FAM13A: variants seen among roughly 807,000 people sequenced by gnomAD.
The protein encoded by FAM13A is protein FAM13A.
FAM13A carries 76 observed loss-of-function variants against 129.6 expected under a neutral mutation model. That is an observed-to-expected ratio of 0.59 (90% CI 0.49 to 0.71). The LOEUF is 0.71. FAM13A is among the 30% of genes least tolerant of loss of function. FAM13A has a pLI of 0.00. For synonymous variants in FAM13A, 443 were observed against 449.9 expected, an observed-to-expected ratio of 0.98 and a Z score of 0.20; for missense variants, 1,108 against 1,249.3, an observed-to-expected ratio of 0.89 and a Z score of 1.70.
intron 23 of FAM13A, among the ~76,000 whole-genome samples, chr4:88,730,626 A>C (rs1228478537): frequency 1.3e-5 from 2 of 152,154 alleles, no homozygotes; most frequent in African/African-American, 4.8e-5. Flanking sequence ...TCCTTACCTC[A>C]TGTAATCCAC....
At chr4:88,892,879 G>T (rs1435254895) in intron 6 of FAM13A, among the ~76,000 whole-genome samples, 1 of 151,106 alleles carries the variant, frequency 6.6e-6, no homozygotes, top group African/African-American at 2.4e-5. Context: ...ATACAATATT[G>T]ATTTATTTGA....
At chr4:88,907,200 A>G (rs902528351) in intron 5 of FAM13A, among the ~76,000 whole-genome samples, 1 of 147,450 alleles carries the variant, frequency 6.8e-6, no homozygotes, top group Admixed American at 6.8e-5. Context: ...CTTTCCATAG[A>G]TGATTCCATC....
intron 6 of FAM13A, among the ~76,000 whole-genome samples, chr4:88,883,807 T>C (rs934666947): frequency 2.7e-5 from 4 of 147,388 alleles, no homozygotes; most frequent in Admixed American, 6.9e-5. Flanking sequence ...ATAAGTTCAA[T>C]TATAAATGAA....
chr4:88,996,766 C>A (rs772584023), intron 3 of FAM13A, among the ~76,000 whole-genome samples: 1 of 151,812 alleles, frequency 6.6e-6, no homozygotes, highest in African/African-American at 2.4e-5. Context: ...AAAAAAAAAT[C>A]TATAAACTGG....
intron 1 of FAM13A, among the ~76,000 whole-genome samples, chr4:89,039,304 T>C (rs1769800786): frequency 6.6e-6 from 1 of 152,336 alleles, no homozygotes; most frequent in South Asian, 2.1e-4. Flanking sequence ...ATGTAATATA[T>C]GAATCTTGAT....
intron 11 of FAM13A, among the ~76,000 whole-genome samples, chr4:88,780,771 C>T (rs2149612537): frequency 6.6e-6 from 1 of 151,984 alleles, no homozygotes; most frequent in South Asian, 2.1e-4. Context: ...TCCTCTTTCA[C>T]TGTGTATTTC....
At chr4:88,747,895 A>G in intron 17 of FAM13A, 44 bp from the exon 18 acceptor site, 1 of 1,377,696 alleles carries the variant, frequency 7.3e-7, no homozygotes, top group Non-Finnish European at 1.0e-6. Flanking sequence ...AGATTTATTT[A>G]TTTATTTATT....
chr4:88,733,943 G>C (rs973196206), intron 21 of FAM13A, among the ~76,000 whole-genome samples: 1 of 152,204 alleles, frequency 6.6e-6, no homozygotes, highest in Non-Finnish European at 1.5e-5. Context: ...CACATAGTGA[G>C]CACTCAATAT....
intron 3 of FAM13A, among the ~76,000 whole-genome samples, chr4:89,008,602 T>C (rs962849812): frequency 1.3e-5 from 2 of 152,202 alleles, no homozygotes; most frequent in African/African-American, 4.8e-5. Flanking sequence ...GGCTAGGCTT[T>C]GGAGCCAGGC....
chr4:88,879,009 A>G (rs919071756), intron 6 of FAM13A, among the ~76,000 whole-genome samples: 1 of 152,226 alleles, frequency 6.6e-6, no homozygotes, highest in African/African-American at 2.4e-5. Context: ...TATATTCTAA[A>G]CAGCATGGTT....
intron 3 of FAM13A, among the ~76,000 whole-genome samples, chr4:89,003,218 C>T (rs1266774137): frequency 6.7e-6 from 1 of 148,512 alleles, no homozygotes; most frequent in African/African-American, 2.5e-5. Flanking sequence ...GGAATCACCA[C>T]AGAAATAAAG....
At chr4:88,812,252 C>T (rs1729783482) in intron 7 of FAM13A, among the ~76,000 whole-genome samples, 1 of 152,166 alleles carries the variant, frequency 6.6e-6, no homozygotes, top group Non-Finnish European at 1.5e-5. Context: ...TGATCAATTA[C>T]CAAATTGTAC....
intron 4 of FAM13A, among the ~76,000 whole-genome samples, chr4:88,967,907 A>G (rs998414898): frequency 4.6e-5 from 7 of 152,150 alleles, no homozygotes; most frequent in Non-Finnish European, 8.8e-5. Flanking sequence ...AACAGTGCCT[A>G]GTGCTGCCAT....
chr4:88,892,523 C>A (rs905032402), intron 6 of FAM13A, among the ~76,000 whole-genome samples: 4 of 152,076 alleles, frequency 2.6e-5, no homozygotes, highest in Admixed American at 2.6e-4. Flanking sequence ...AATACTGACG[C>A]CAACTACTTT....
At chr4:89,005,200 G>C (rs916218490) in intron 3 of FAM13A, among the ~76,000 whole-genome samples, 3 of 152,172 alleles carry the variant, frequency 2.0e-5, no homozygotes, top group African/African-American at 7.2e-5. Flanking sequence ...GTTTGCTAAG[G>C]ATAATAGCCT....
intron 3 of FAM13A, among the ~76,000 whole-genome samples, chr4:89,015,521 T>C (rs1475735522): frequency 6.6e-6 from 1 of 152,250 alleles, no homozygotes; most frequent in East Asian, 1.9e-4. Flanking sequence ...GGACTCATGT[T>C]GAATTATCGG....
intron 4 of FAM13A, among the ~76,000 whole-genome samples, chr4:88,947,147 GC>G (rs1013155555): frequency 1.6e-4 from 24 of 152,158 alleles, no homozygotes; most frequent in African/African-American, 5.5e-4. Flanking sequence ...AGTGGCTCAT[GC>G]CTGTAATCCC....
chr4:88,965,622 G>T (rs1759249297), intron 4 of FAM13A, among the ~76,000 whole-genome samples: 1 of 151,982 alleles, frequency 6.6e-6, no homozygotes. Flanking sequence ...TAAGCGTAGA[G>T]TTCAGTAGTC....
chr4:88,758,304 C>T (rs1261730485), intron 14 of FAM13A, among the ~76,000 whole-genome samples: 20 of 152,066 alleles, frequency 1.3e-4, no homozygotes, highest in Non-Finnish European at 2.5e-4. Context: ...TCCATAAAAA[C>T]GAACATAGAA....
Sources: allele counts gnomAD v4.1 joint callset (sites outside exome capture counted in the v4.1 genomes callset), GRCh38; gene constraint gnomAD v4.1.1; transcripts MANE v1.5; gene names NCBI Gene and HGNC (gene_info 2026-07-23, HGNC 2026-07-21).